The following ZMAT4 variants were observed in gnomAD, a reference collection of about 807,000 sequenced individuals.
The protein encoded by ZMAT4 is zinc finger matrin-type 4, also known as zinc finger matrin-type protein 4.
ZMAT4 carries 17 observed loss-of-function variants against 28.7 expected under a neutral mutation model. The ratio of observed to expected loss-of-function variants is 0.59; its 90% CI spans 0.41 to 0.89. The LOEUF is 0.89. ZMAT4 is among the 40% of genes least tolerant of loss of function. The pLI is 0.00. For synonymous variants in ZMAT4, 117 were observed against 109.2 expected (o/e 1.07, Z -0.44); for missense variants, 240 against 283.8 (o/e 0.85, Z 1.11).
chr8:40,681,882 A>T (rs942736608), intron 4 of ZMAT4, among the ~76,000 whole-genome samples: 4 of 146,252 alleles, frequency 2.7e-5, no homozygotes, highest in African/African-American at 1.1e-4. Flanking sequence ...ATGCAGAAAT[A>T]AAAAAAAAAG....
At chr8:40,628,759 G>A (rs927470581) in intron 5 of ZMAT4, among the ~76,000 whole-genome samples, 2 of 152,122 alleles carry the variant, frequency 1.3e-5, no homozygotes, top group Admixed American at 1.3e-4. Flanking sequence ...GCATAAAGTA[G>A]AAGGATTTTT....
At chr8:40,632,211 C>A (rs1430128753) in intron 5 of ZMAT4, among the ~76,000 whole-genome samples, 1 of 152,092 alleles carries the variant, frequency 6.6e-6, no homozygotes, top group Admixed American at 6.5e-5. Context: ...TTTTTAGATG[C>A]AAGGATTTCC....
At chr8:40,808,377 G>C (rs1042186335) in intron 2 of ZMAT4, 1 of 307,590 alleles carries the variant, frequency 3.3e-6, no homozygotes, top group Non-Finnish European at 6.4e-6. Flanking sequence ...TGCAGCTTAA[G>C]GGTGAATTTG....
intron 2 of ZMAT4, among the ~76,000 whole-genome samples, chr8:40,812,086 G>A (rs889401273): frequency 2.0e-5 from 3 of 152,126 alleles, no homozygotes; most frequent in Non-Finnish European, 2.9e-5. Context: ...AACTGAGATT[G>A]CACCACTGCA....
intron 3 of ZMAT4, among the ~76,000 whole-genome samples, chr8:40,748,097 T>A (rs927347646): frequency 1.3e-5 from 2 of 152,220 alleles, no homozygotes; most frequent in African/African-American, 4.8e-5. Flanking sequence ...CTTTTAAAGG[T>A]CAGCTGTAAA....
intron 1 of ZMAT4, among the ~76,000 whole-genome samples, chr8:40,856,280 C>T (rs1817296369): frequency 6.6e-6 from 1 of 152,020 alleles, no homozygotes. Context: ...GAGTGCACTG[C>T]TAGATTTGGT....
At chr8:40,837,381 G>A (rs1455410200) in intron 1 of ZMAT4, among the ~76,000 whole-genome samples, 1 of 152,118 alleles carries the variant, frequency 6.6e-6, no homozygotes, top group Admixed American at 6.5e-5. Flanking sequence ...CCCAACCCCT[G>A]GTGCCCACTG....
At chr8:40,854,785 C>T (rs1407505584) in intron 1 of ZMAT4, among the ~76,000 whole-genome samples, 10 of 152,048 alleles carry the variant, frequency 6.6e-5, no homozygotes, top group Non-Finnish European at 1.3e-4. Context: ...AGGCAAAAGC[C>T]CCTGCCTGGG....
intron 5 of ZMAT4, among the ~76,000 whole-genome samples, chr8:40,631,658 C>T (rs769987915): frequency 1.3e-5 from 2 of 152,132 alleles, no homozygotes; most frequent in African/African-American, 4.8e-5. Flanking sequence ...TTCTTTAATA[C>T]TTTTTGACAC....
At chr8:40,590,785 C>T (rs1044305458) in intron 5 of ZMAT4, among the ~76,000 whole-genome samples, 8 of 151,772 alleles carry the variant, frequency 5.3e-5, no homozygotes, top group African/African-American at 1.9e-4. Flanking sequence ...CAATCAATTC[C>T]CTTAAGACTT....
rs74351569 is a variant in ZMAT4, at chr8:40,767,704, T to A, written c.129A>T (p.Arg43=). 2,322 of 1,612,558 alleles carry A rather than the reference T, an allele frequency of 1.4e-3. 40 individuals are homozygous for A. The African/African-American group carries it at 0.029, about 20-fold the overall frequency. Residue 43 remains arginine, a synonymous_variant, in exon 3 of 7, where the codon CGA becomes CGT. Coordinates refer to ENST00000297737, the MANE Select transcript of ZMAT4 (RefSeq NM_024645.3). ...CCCTGGGGTGAAGCATGTAATACAG[T>A]CGGACTTTGCTTGCATGTTTTCGAC... ...YESRKHASKV[R]LYYMLHPRDG... is the part of the protein sequence containing the mutation.
chr8:40,642,132 A>G (rs1455661789), intron 5 of ZMAT4, among the ~76,000 whole-genome samples: 1 of 152,208 alleles, frequency 6.6e-6, no homozygotes, highest in Non-Finnish European at 1.5e-5. Context: ...AATAACAAAC[A>G]GATTTTTAGT....
In ZMAT4 at chr8:40,674,832, C is replaced by G; in HGVS notation, c.449G>C (p.Cys150Ser). 6.2e-7 allele frequency: 1 copy of G among 1,613,954 alleles called. No homozygotes were observed. Among genetic ancestry groups the G allele is most frequent in the Non-Finnish European group, 8.5e-7 (1 of 1,179,936 alleles). ...RRDSDRYCGLCAAWFNNPLMA... is the reference protein window; with the variant it reads ...RRDSDRYCGLSAAWFNNPLMA... ...CAGAGGGTTATTAAACCAGGCTGCA[C>G]AGAGCCCACAGTATCTGTCTGAATC... The change falls in exon 5 of 7, where the codon TGT (cysteine) becomes TCT (serine). Residue 150 changes from cysteine to serine, a missense_variant. Transcript: ENST00000297737.
chr8:40,676,423 CTG>C (rs1267925649), intron 4 of ZMAT4, among the ~76,000 whole-genome samples: 1 of 152,110 alleles, frequency 6.6e-6, no homozygotes, highest in Non-Finnish European at 1.5e-5. Flanking sequence ...TAGCAGCATC[CTG>C]TGTGTGTTCT....
At chr8:40,840,966 C>A (rs1394344308) in intron 1 of ZMAT4, among the ~76,000 whole-genome samples, 1 of 152,198 alleles carries the variant, frequency 6.6e-6, no homozygotes, top group African/African-American at 2.4e-5. Context: ...ATATTACAAG[C>A]CACCTGGCAC....
rs1421957497 is a variant in ZMAT4, at chr8:40,647,759, A to ACCCTGAC, written c.577+26938_577+26944dup. Among the ~76,000 whole-genome samples, 1,502 of 152,190 alleles carry ACCCTGAC rather than the reference A, an allele frequency of 9.9e-3. 21 individuals are homozygous for ACCCTGAC. The highest frequency in any genetic ancestry group is 0.034 in the African/African-American group (1,424 of 41,522). ...CGGACAGACTGCCTCCTCAAGTGGG[A>ACCCTGAC]CCCTGACCCCTGACCCCCGAGCAGC... On this transcript the variant is annotated intron_variant, in intron 5 of 6. Coordinates refer to ENST00000297737, the MANE Select transcript of ZMAT4 (RefSeq NM_024645.3).
intron 5 of ZMAT4, among the ~76,000 whole-genome samples, chr8:40,670,891 A>G (rs943596409): frequency 9.2e-5 from 14 of 151,978 alleles, no homozygotes; most frequent in Non-Finnish European, 1.5e-4. Flanking sequence ...ACATGGTGAA[A>G]CCCCGTCTCT....
At chr8:40,887,864 C>T (rs1312163799) in intron 1 of ZMAT4, among the ~76,000 whole-genome samples, 5 of 152,170 alleles carry the variant, frequency 3.3e-5, no homozygotes, top group African/African-American at 1.2e-4. Flanking sequence ...CACCTCTGGC[C>T]ATTGTCCCCT....
At chr8:40,740,232 G>A (rs1811943066) in intron 3 of ZMAT4, among the ~76,000 whole-genome samples, 2 of 152,082 alleles carry the variant, frequency 1.3e-5, no homozygotes, top group Non-Finnish European at 2.9e-5. Context: ...TTCCACAATG[G>A]TTGAACTAAT....
Sources: gnomAD v4.1 joint callset for allele counts (sites outside exome capture counted in the v4.1 genomes callset) on GRCh38, gnomAD v4.1.1 for gene constraint, MANE v1.5 for transcripts, NCBI Gene and HGNC (gene_info 2026-07-23, HGNC 2026-07-21) for gene names.